ARL13B: variants seen among roughly 807,000 people sequenced by gnomAD.
The protein encoded by ARL13B is ARF like GTPase 13B.
A neutral mutation model predicts 56.1 loss-of-function variants in ARL13B; 36 were observed. That is an observed-to-expected ratio of 0.64 (90% CI 0.49 to 0.85). ARL13B has a LOEUF of 0.85. ARL13B is among the 40% of genes least tolerant of loss of function. ARL13B has a pLI of 0.00. For missense variants in ARL13B, 519 were observed against 507.1 expected, an observed-to-expected ratio of 1.02 and a Z score of -0.23; for synonymous variants, 178 against 171.1, an observed-to-expected ratio of 1.04 and a Z score of -0.32.
chr3:93,997,320 G>A (rs1575945052), intron 2 of ARL13B, among the ~76,000 whole-genome samples: 1 of 152,120 alleles, frequency 6.6e-6, no homozygotes, highest in African/African-American at 2.4e-5. Flanking sequence ...TGGGAGAAAT[G>A]CATAACATGT....
intron 3 of ARL13B, among the ~76,000 whole-genome samples, chr3:94,027,416 A>G (rs1345971518): frequency 2.0e-5 from 3 of 152,070 alleles, no homozygotes; most frequent in Non-Finnish European, 4.4e-5. Flanking sequence ...TATTGAATTA[A>G]CTTGTATAAC....
At chr3:94,034,056 G>A (rs2076723462) in intron 3 of ARL13B, among the ~76,000 whole-genome samples, 1 of 152,142 alleles carries the variant, frequency 6.6e-6, no homozygotes, top group Admixed American at 6.5e-5. Flanking sequence ...CATAACACTT[G>A]TAAAATGATA....
chr3:94,050,736 A>G (rs2077053706), intron 8 of ARL13B, 88 bp from the exon 9 acceptor site: 3 of 1,085,296 alleles, frequency 2.8e-6, no homozygotes, highest in Non-Finnish European at 4.1e-6. Flanking sequence ...AATGTTACAT[A>G]TGCTTCCTTT....
chr3:94,016,940 C>T (rs1465644248), intron 3 of ARL13B, among the ~76,000 whole-genome samples: 1 of 152,176 alleles, frequency 6.6e-6, no homozygotes, highest in Non-Finnish European at 1.5e-5. Flanking sequence ...CCACCGCTCC[C>T]AGCCTAATTA....
At chr3:94,032,700 G>C (rs530023351) in intron 3 of ARL13B, among the ~76,000 whole-genome samples, 13 of 152,212 alleles carry the variant, frequency 8.5e-5, no homozygotes, top group Non-Finnish European at 1.6e-4. Context: ...GTTTCACCGT[G>C]TTAGCCAGGA....
chr3:94,025,227 ATTAATC>A (rs2076530159), intron 3 of ARL13B, among the ~76,000 whole-genome samples: 1 of 152,116 alleles, frequency 6.6e-6, no homozygotes, highest in African/African-American at 2.4e-5. Flanking sequence ...TGTCCTTTTT[ATTAATC>A]TTAATGAATT....
intron 1 of ARL13B, among the ~76,000 whole-genome samples, chr3:93,984,255 C>CT (rs1184196878): frequency 5.3e-5 from 8 of 151,792 alleles, no homozygotes; most frequent in Non-Finnish European, 1.2e-4. Flanking sequence ...ACTTGGGAGG[C>CT]TGAGGCAGGA....
intron 3 of ARL13B, among the ~76,000 whole-genome samples, chr3:94,031,843 G>T (rs916185571): frequency 6.6e-6 from 1 of 152,094 alleles, no homozygotes; most frequent in Non-Finnish European, 1.5e-5. Context: ...CAGATGATGG[G>T]TACAGCGATG....
At chr3:94,019,319 C>G (rs1201849713) in intron 3 of ARL13B, among the ~76,000 whole-genome samples, 1 of 152,100 alleles carries the variant, frequency 6.6e-6, no homozygotes, top group Non-Finnish European at 1.5e-5. Flanking sequence ...GCCTCAGCCT[C>G]CCGAGTAGCT....
chr3:94,043,842 G>T (rs1230529842), intron 7 of ARL13B, among the ~76,000 whole-genome samples: 1 of 148,866 alleles, frequency 6.7e-6, no homozygotes, highest in Non-Finnish European at 1.5e-5. Context: ...ATTTTTGGTG[G>T]AGATGGGGTT....
intron 2 of ARL13B, chr3:93,996,707 T>A: frequency 2.5e-6 from 1 of 406,490 alleles, no homozygotes; most frequent in South Asian, 1.8e-5. Context: ...TAATGCTTTG[T>A]GCTACAATAT....
chr3:94,040,283 TTA>T (rs1025518924), intron 6 of ARL13B, among the ~76,000 whole-genome samples: 112 of 152,322 alleles, frequency 7.4e-4, no homozygotes, highest in African/African-American at 2.6e-3. Flanking sequence ...ATTCTGTCAT[TTA>T]TTTCATATAG....
intron 5 of ARL13B, among the ~76,000 whole-genome samples, chr3:94,039,319 T>C (rs1576033710): frequency 6.6e-6 from 1 of 151,560 alleles, no homozygotes; most frequent in Admixed American, 6.6e-5. Flanking sequence ...GCTAATAGGG[T>C]GAAACCCCGT....
chr3:94,023,625 T>C (rs928272753), intron 3 of ARL13B, among the ~76,000 whole-genome samples: 1 of 152,188 alleles, frequency 6.6e-6, no homozygotes, highest in East Asian at 1.9e-4. Flanking sequence ...AGGGGAATTT[T>C]AAAGTGACTT....
At chr3:94,011,423 G>T (rs2107470116) in intron 3 of ARL13B, among the ~76,000 whole-genome samples, 2 of 152,146 alleles carry the variant, frequency 1.3e-5, no homozygotes, top group Admixed American at 1.3e-4. Context: ...TTCCCTCCTT[G>T]TCCTCTCATT....
chr3:93,986,222 G>C (rs1710452477), intron 1 of ARL13B, among the ~76,000 whole-genome samples: 1 of 151,994 alleles, frequency 6.6e-6, no homozygotes, highest in Admixed American at 6.6e-5. Context: ...TTATATTTTA[G>C]AGATGAAAAA....
chr3:94,020,062 ATTAAC>A (rs1195514914), intron 3 of ARL13B, among the ~76,000 whole-genome samples: 1 of 152,132 alleles, frequency 6.6e-6, no homozygotes, highest in Non-Finnish European at 1.5e-5. Flanking sequence ...ACTTATTTAT[ATTAAC>A]TTAATTGTCT....
intron 2 of ARL13B, among the ~76,000 whole-genome samples, chr3:94,001,067 T>A (rs903827402): frequency 3.9e-5 from 6 of 152,236 alleles, no homozygotes; most frequent in African/African-American, 1.4e-4. Flanking sequence ...GTCCCATGTG[T>A]TGGGAAGGTA....
intron 1 of ARL13B, among the ~76,000 whole-genome samples, chr3:93,992,686 T>C (rs552981657): frequency 6.6e-6 from 1 of 152,334 alleles, no homozygotes; most frequent in African/African-American, 2.4e-5. Flanking sequence ...TGAAATGCAT[T>C]GTATACATAA....
Sources: gnomAD v4.1 joint callset for allele counts (sites outside exome capture counted in the v4.1 genomes callset) on GRCh38, gnomAD v4.1.1 for gene constraint, MANE v1.5 for transcripts, NCBI Gene and HGNC (gene_info 2026-07-23, HGNC 2026-07-21) for gene names.